ZNF618: variants seen among roughly 807,000 people sequenced by gnomAD.
The protein encoded by ZNF618 is neural precursor cell expressed, developmentally down-regulated 10.
Under a neutral mutation model 103.0 loss-of-function variants are expected in ZNF618, and 34 were observed. The observed-to-expected ratio is 0.33, with a 90% CI of 0.25 to 0.44. ZNF618 has a LOEUF of 0.44. Among genes scored for constraint, ZNF618 ranks in the 20% least tolerant of loss-of-function variants. ZNF618 has a pLI of 1.00. For missense variants in ZNF618, 1,059 were observed against 1,295.4 expected (o/e 0.82, Z 2.80); for synonymous variants, 551 against 542.2 (o/e 1.02, Z -0.23).
At chr9:113,883,424 A>G (rs919992074) in intron 1 of ZNF618, among the ~76,000 whole-genome samples, 1 of 152,208 alleles carries the variant, frequency 6.6e-6, no homozygotes, top group Non-Finnish European at 1.5e-5. Context: ...TGAATGGGGC[A>G]TAGCAGTGCC....
chr9:113,906,683 T>C (rs1051019888), intron 1 of ZNF618, among the ~76,000 whole-genome samples: 1 of 152,204 alleles, frequency 6.6e-6, no homozygotes, highest in Non-Finnish European at 1.5e-5. Context: ...AGCTAATTCC[T>C]AGCAAAGTGA....
chr9:113,925,170 A>G (rs183435997), intron 1 of ZNF618, among the ~76,000 whole-genome samples: 3 of 152,020 alleles, frequency 2.0e-5, no homozygotes, highest in Admixed American at 6.5e-5. Context: ...TGCTTCACAT[A>G]TTTTGTTTCT....
intron 2 of ZNF618, among the ~76,000 whole-genome samples, chr9:113,986,512 G>C (rs1314917557): frequency 6.6e-6 from 1 of 152,198 alleles, no homozygotes; most frequent in Non-Finnish European, 1.5e-5. Flanking sequence ...GTTGGGTTCT[G>C]GTGAGGGCTG....
At chr9:114,014,768 A>T (rs1588344867) in intron 9 of ZNF618, among the ~76,000 whole-genome samples, 2 of 151,672 alleles carry the variant, frequency 1.3e-5, no homozygotes, top group Admixed American at 6.6e-5. Flanking sequence ...AACACCTAGA[A>T]TTTTTTTTTC....
At chr9:114,030,609 C>G (rs980058804) in intron 11 of ZNF618, among the ~76,000 whole-genome samples, 1 of 152,158 alleles carries the variant, frequency 6.6e-6, no homozygotes, top group Non-Finnish European at 1.5e-5. Context: ...GTAGGGGTCA[C>G]CTCTGGATTC....
At chr9:114,040,258 G>A (rs943550406) in intron 13 of ZNF618, among the ~76,000 whole-genome samples, 5 of 152,172 alleles carry the variant, frequency 3.3e-5, no homozygotes, top group Non-Finnish European at 5.9e-5. Flanking sequence ...TCACACCATC[G>A]CAGAACTGGG....
Position 113,884,774 on chromosome 9 carries a change from C to CACAG in ZNF618, c.33+8362_33+8363insCAGA, listed in dbSNP as rs1205428615. Among the ~76,000 whole-genome samples, 847 of 142,278 alleles carry CACAG rather than the reference C, an allele frequency of 6.0e-3. 6 individuals carry two copies. The highest frequency in any genetic ancestry group is 0.025 in the Middle Eastern group (7 of 284). 93.3% of individuals were successfully genotyped at this position (142,278 alleles called of 152,430 possible). On this transcript the variant is annotated intron_variant, in intron 1 of 14. Coordinates refer to ENST00000374126, the MANE Select transcript of ZNF618 (RefSeq NM_001318042.2). ...CCTTCCTTATCGAGACACAAACACA[C>CACAG]AGAGAGAGAGAGAGAGAGAGAGAGA...
rs56235947 is a variant in ZNF618, at chr9:114,022,601, C to CAAAAAAAAAA, written c.844+5828_844+5837dup. Among the ~76,000 whole-genome samples the CAAAAAAAAAA allele has an allele frequency of 2.2e-5, 2 of 90,788 alleles. 1 individual carries two copies. Among genetic ancestry groups the CAAAAAAAAAA allele is most frequent in the Non-Finnish European group, 4.1e-5 (2 of 48,786 alleles). 59.6% of individuals were successfully genotyped at this position (90,788 alleles called of 152,430 possible). ...TGCTGCGGTTTCATGTCCACTTGACCAAAAAAAAAAAAAAAAAAAAGGCAT... is the reference window on the plus strand; with the variant it reads ...TGCTGCGGTTTCATGTCCACTTGACCAAAAAAAAAAAAAAAAAAAAAAAAAAAAAAGGCAT... On this transcript the variant is annotated intron_variant, in intron 10 of 14. Coordinates refer to ENST00000374126, the MANE Select transcript of ZNF618 (RefSeq NM_001318042.2).
chr9:114,016,831 A>G (rs1182931864), intron 10 of ZNF618, 47 bp downstream of exon 10: 1 of 1,496,648 alleles, frequency 6.7e-7, no homozygotes, highest in Non-Finnish European at 9.2e-7. Context: ...GACCCGGGAC[A>G]GGGTGGGCCA....
At chr9:113,945,543 A>C (rs969627932) in intron 1 of ZNF618, among the ~76,000 whole-genome samples, 1 of 152,206 alleles carries the variant, frequency 6.6e-6, no homozygotes, top group Non-Finnish European at 1.5e-5. Flanking sequence ...ATGATCAGTA[A>C]GTATGGGATG....
At chr9:113,997,799 C>T (rs978157525) in intron 3 of ZNF618, among the ~76,000 whole-genome samples, 3 of 152,160 alleles carry the variant, frequency 2.0e-5, no homozygotes, top group African/African-American at 7.2e-5. Flanking sequence ...GAAGAGGGAG[C>T]GTGCTGGGCA....
chr9:113,884,774 C>CACACAGAGAG (rs1205428615), intron 1 of ZNF618, among the ~76,000 whole-genome samples: 3 of 142,168 alleles, frequency 2.1e-5, no homozygotes, highest in Non-Finnish European at 3.1e-5. Context: ...CACAAACACA[C>CACACAGAGAG]AGAGAGAGAG....
At chr9:113,936,540 GGAATTGGTGCA>G (rs913048363) in intron 1 of ZNF618, among the ~76,000 whole-genome samples, 1 of 152,224 alleles carries the variant, frequency 6.6e-6, no homozygotes, top group African/African-American at 2.4e-5. Context: ...GCATAGGCTG[GGAATTGGTGCA>G]GAATTTGGAG....
chr9:113,889,726 T>C (rs1335968175), intron 1 of ZNF618, among the ~76,000 whole-genome samples: 1 of 152,172 alleles, frequency 6.6e-6, no homozygotes, highest in Non-Finnish European at 1.5e-5. Flanking sequence ...TACCTTTCCA[T>C]GCATCTCTCT....
chr9:113,990,816 G>A (rs1388814906), intron 3 of ZNF618, among the ~76,000 whole-genome samples: 2 of 152,166 alleles, frequency 1.3e-5, no homozygotes, highest in Non-Finnish European at 2.9e-5. Context: ...TTGGGGAGGC[G>A]CAGGAGTGAC....
At chr9:113,918,970 C>T (rs1832382312) in intron 1 of ZNF618, among the ~76,000 whole-genome samples, 1 of 152,200 alleles carries the variant, frequency 6.6e-6, no homozygotes, top group Non-Finnish European at 1.5e-5. Context: ...CAGTGGCCAC[C>T]TTCCAGAGGC....
chr9:114,008,167 C>T (rs1215816872), intron 7 of ZNF618, among the ~76,000 whole-genome samples, 177 bp from the exon 8 acceptor site: 2 of 152,236 alleles, frequency 1.3e-5, no homozygotes, highest in African/African-American at 2.4e-5. Flanking sequence ...GATGTATCCT[C>T]GTGTTGTCCT....
rs754736044 is a variant in ZNF618 at position 114,050,080 on chromosome 9, T to G, written c.2778T>G (p.Cys926Trp). The change falls in exon 15 of 15, where the codon TGT becomes TGG. Residue 926 changes from cysteine (C) to tryptophan (W), a missense_variant. Around this residue, in one of 6 missense-constraint regions of ZNF618, gnomAD observed 156 missense variants for 197.1 expected, o/e 0.79. Coordinates refer to ENST00000374126, the MANE Select transcript of ZNF618 (RefSeq NM_001318042.2). The stretch of plus-strand genomic sequence containing the variant: ...CCAGAAGCGGGTGTGTAAATATGTG[T>G]GAACAAGCGCTTCTAATCAAACGGA... ...VGARSGCVNM[C>W]EQALLIKRRR... The G allele has an allele frequency of 6.2e-7, 1 of 1,612,660 alleles. No individual in the cohort carries two copies. Among genetic ancestry groups the G allele is most frequent in the Non-Finnish European group, 8.5e-7 (1 of 1,179,696 alleles).
chr9:113,916,853 C>G (rs1224006506), intron 1 of ZNF618, among the ~76,000 whole-genome samples: 8 of 152,214 alleles, frequency 5.3e-5, no homozygotes, highest in Non-Finnish European at 1.2e-4. Flanking sequence ...TTCTAGAAAA[C>G]TGGGAAGACA....
Sources: gnomAD v4.1 joint callset for allele counts (sites outside exome capture counted in the v4.1 genomes callset) on GRCh38, gnomAD v4.1.1 for gene constraint, gnomAD v4.1.1 regional missense constraint, MANE v1.5 for transcripts, NCBI Gene and HGNC (gene_info 2026-07-23, HGNC 2026-07-21) for gene names.